Variants in SLC25A20 observed in about 807,000 individuals in gnomAD.
The protein encoded by SLC25A20 is solute carrier family 25 member 20, also known as mitochondrial carnitine/acylcarnitine carrier protein.
A neutral mutation model predicts 39.7 loss-of-function variants in SLC25A20; 29 were observed. The observed-to-expected ratio is 0.73, with a 90% CI of 0.54 to 1.00. The LOEUF (loss-of-function observed/expected upper bound fraction) is 1.00. Among genes scored for constraint, SLC25A20 ranks in the 50% least tolerant of loss-of-function variants. The pLI is 0.00. For missense variants in SLC25A20, 333 were observed against 379.9 expected, an observed-to-expected ratio of 0.88 and a Z score of 1.03; for synonymous variants, 103 against 142.2, an observed-to-expected ratio of 0.72 and a Z score of 1.96.
At chr3:48,880,544 T>C (rs2083789258) in intron 3 of SLC25A20, among the ~76,000 whole-genome samples, 1 of 149,940 alleles carries the variant, frequency 6.7e-6, no homozygotes, top group Non-Finnish European at 1.5e-5. Context: ...CCCAGAGTGC[T>C]AGGGTTACAG....
intron 2 of SLC25A20, among the ~76,000 whole-genome samples, chr3:48,888,281 A>G (rs889879802): frequency 4.6e-5 from 7 of 150,708 alleles, no homozygotes; most frequent in Non-Finnish European, 1.0e-4. Flanking sequence ...CTGCCTCAAG[A>G]TCTTCCTAAG....
intron 1 of SLC25A20, among the ~76,000 whole-genome samples, chr3:48,893,820 A>G (rs1451616884): frequency 6.9e-6 from 1 of 144,466 alleles, no homozygotes; most frequent in Non-Finnish European, 1.5e-5. Flanking sequence ...ATGAGCCACC[A>G]TGGCCAGCCA....
At chr3:48,881,925 G>C (rs1174029626) in intron 3 of SLC25A20, among the ~76,000 whole-genome samples, 1 of 152,196 alleles carries the variant, frequency 6.6e-6, no homozygotes, top group Non-Finnish European at 1.5e-5. Flanking sequence ...AGAGTCATAA[G>C]GATCCCAGAA....
rs544031818 is a variant in SLC25A20 at position 48,891,006 on chromosome 3, A to G, written c.198+974T>C. Among the ~76,000 whole-genome samples, 1,288 of 152,076 alleles carry G rather than the reference A, an allele frequency of 8.5e-3. 7 individuals are homozygous for G. The highest frequency in any genetic ancestry group is 0.012 in the Non-Finnish European group (831 of 67,990). ...TCAGCGCGCCCAGCCATGCAAGGCC[A>G]CTACCAGTCTCCATGTCTTGGTAGT... On this transcript the variant is annotated intron_variant, in intron 2 of 8. Transcript: ENST00000319017.
intron 1 of SLC25A20, among the ~76,000 whole-genome samples, chr3:48,897,165 A>T (rs546443020): frequency 1.3e-5 from 2 of 150,504 alleles, no homozygotes; most frequent in Non-Finnish European, 3.0e-5. Context: ...TAAGGCCAAA[A>T]ACACAGCAGT....
At position 48,897,367 on chromosome 3, in the gene SLC25A20, A is replaced by ATATT. The variant is rs1256371148; in HGVS notation, c.105+1322_105+1323insAATA. 3.9e-3 allele frequency among the ~76,000 whole-genome samples: 325 copies of ATATT among 83,704 alleles called. 2 individuals are homozygous for ATATT. The highest frequency in any genetic ancestry group is 9.7e-3 in the South Asian group (24 of 2,484). 54.9% of individuals were successfully genotyped at this position (83,704 alleles called of 152,430 possible). A position where few individuals can be genotyped will look rare whatever the true frequency, so the allele number is the denominator to read the frequency against. On this transcript the variant is annotated intron_variant, in intron 1 of 8. Transcript: ENST00000319017. Reference sequence around the variant, plus strand: ...TGTGAATATATATATATATATATATATTTTTTTTTTTTTTTTTTTTAAGGG... The same window carrying ATATT: ...TGTGAATATATATATATATATATATATATTTTTTTTTTTTTTTTTTTTTTAAGGG...
chr3:48,871,937 C>T (rs1254354807), intron 4 of SLC25A20, among the ~76,000 whole-genome samples: 1 of 151,202 alleles, frequency 6.6e-6, no homozygotes, highest in Non-Finnish European at 1.5e-5. Flanking sequence ...ACCTCACCAC[C>T]CGCAAGTAGC....
chr3:48,873,890 A>G (rs768312557), intron 4 of SLC25A20, among the ~76,000 whole-genome samples: 100 of 149,212 alleles, frequency 6.7e-4, no homozygotes, highest in Admixed American at 6.7e-3. Context: ...AATGGCGTGA[A>G]CCCGGGAGGC....
intron 1 of SLC25A20, among the ~76,000 whole-genome samples, chr3:48,897,760 C>T (rs1245292836): frequency 6.6e-6 from 1 of 152,120 alleles, no homozygotes; most frequent in Non-Finnish European, 1.5e-5. Context: ...AACAAACCCC[C>T]TCACATGGGC....
intron 4 of SLC25A20, among the ~76,000 whole-genome samples, chr3:48,878,001 G>A (rs1232846561): frequency 1.3e-5 from 2 of 151,736 alleles, no homozygotes; most frequent in South Asian, 2.1e-4. Context: ...GGTGGCTTAC[G>A]CCTGTAATCC....
intron 3 of SLC25A20, among the ~76,000 whole-genome samples, chr3:48,883,744 T>A (rs1455739540): frequency 2.0e-5 from 3 of 151,028 alleles, no homozygotes; most frequent in African/African-American, 4.9e-5. Flanking sequence ...GCCTCGGCCT[T>A]CCAAGTAGCT....
At chr3:48,866,587 AAAC>A (rs1234967274) in intron 4 of SLC25A20, among the ~76,000 whole-genome samples, 1 of 152,058 alleles carries the variant, frequency 6.6e-6, no homozygotes, top group Non-Finnish European at 1.5e-5. Context: ...CAAAAACAAG[AAAC>A]AACTTTTTCA....
At chr3:48,861,222 T>C (rs1466662863) in intron 5 of SLC25A20, among the ~76,000 whole-genome samples, 2 of 151,914 alleles carry the variant, frequency 1.3e-5, no homozygotes, top group African/African-American at 2.4e-5. Flanking sequence ...CCTCCCAAAG[T>C]GCTGAGATTA....
intron 1 of SLC25A20, among the ~76,000 whole-genome samples, chr3:48,897,721 G>A (rs906697248): frequency 3.9e-5 from 6 of 151,940 alleles, no homozygotes; most frequent in Admixed American, 2.0e-4. Flanking sequence ...AAACTATTTC[G>A]CTGTGGAAGA....
rs565030876 is a variant in SLC25A20, at chr3:48,892,298, C to T, written c.106-226G>A. ...GTATGAATAAATCACATTTTGTATG[C>T]CTGCCTATTCATCAGTTCATAGACA... On this transcript the variant is annotated intron_variant, in intron 1 of 8. Transcript: ENST00000319017. Among the ~76,000 whole-genome samples the T allele has an allele frequency of 1.2e-4, 19 of 152,260 alleles. No individual in the cohort carries two copies. In the South Asian group the frequency reaches 2.5e-3, roughly 20 times the overall value.
At chr3:48,872,306 T>C (rs2083722772) in intron 4 of SLC25A20, among the ~76,000 whole-genome samples, 1 of 151,738 alleles carries the variant, frequency 6.6e-6, no homozygotes, top group African/African-American at 2.4e-5. Context: ...AATTTTGTAT[T>C]TTTAGTAAAG....
rs765127230 is a variant in SLC25A20 at position 48,862,176 on chromosome 3, C to CTCT, written c.535+365_535+366insAGA. On this transcript the variant is annotated intron_variant, in intron 5 of 8. Transcript: ENST00000319017. ...CTGCCAGCTCAGGACAAGAGTGAGA[C>CTCT]TGTCTCTGCCTTTCCTACTGCCACT... Among the ~76,000 whole-genome samples, 3 of 152,336 alleles carry CTCT rather than the reference C, an allele frequency of 2.0e-5. No homozygotes were observed. In the East Asian group the frequency reaches 5.8e-4, roughly 29 times the overall value.
At chr3:48,884,963 G>A (rs969666586) in intron 2 of SLC25A20, among the ~76,000 whole-genome samples, 9 of 151,512 alleles carry the variant, frequency 5.9e-5, no homozygotes, top group Non-Finnish European at 1.2e-4. Flanking sequence ...AAGATTACAA[G>A]TGATTAAGAA....
intron 4 of SLC25A20, among the ~76,000 whole-genome samples, chr3:48,870,170 C>T (rs1219600407): frequency 6.6e-6 from 1 of 152,066 alleles, no homozygotes; most frequent in Admixed American, 6.6e-5. Context: ...GAGGCCGAGG[C>T]AGACGGATCA....
Sources: allele counts gnomAD v4.1 joint callset (sites outside exome capture counted in the v4.1 genomes callset), GRCh38; gene constraint gnomAD v4.1.1; transcripts MANE v1.5; gene names NCBI Gene and HGNC (gene_info 2026-07-23, HGNC 2026-07-21).